SPHKAP: variants seen among roughly 807,000 people sequenced by gnomAD.
The protein encoded by SPHKAP is SPHK1 interactor, AKAP domain containing, also known as A-kinase anchor protein SPHKAP.
A neutral mutation model predicts 137.5 loss-of-function variants in SPHKAP; 67 were observed. The observed-to-expected ratio is 0.49, with a 90% CI of 0.40 to 0.60. The LOEUF (loss-of-function observed/expected upper bound fraction) is 0.60, where lower values mean the gene tolerates loss of function less well. Among genes scored for constraint, SPHKAP ranks in the 20% least tolerant of loss-of-function variants. SPHKAP has a pLI of 0.00. For missense variants in SPHKAP, 2,097 were observed against 2,069.3 expected (o/e 1.01, Z -0.26); for synonymous variants, 813 against 785.3 (o/e 1.04, Z -0.59).
At position 228,001,300 on chromosome 2, in the gene SPHKAP, AAT is replaced by A. The variant is rs1307552789; in HGVS notation, c.4449-5608_4449-5607del. 1.9e-3 allele frequency among the ~76,000 whole-genome samples: 277 copies of A among 143,500 alleles called. 1 individual carries two copies. Among genetic ancestry groups the A allele is most frequent in the South Asian group, 9.4e-3 (44 of 4,692 alleles). 94.1% of individuals were successfully genotyped at this position (143,500 alleles called of 152,430 possible). A position where few individuals can be genotyped will look rare whatever the true frequency, so the allele number is the denominator to read the frequency against. The stretch of plus-strand genomic sequence containing the variant: ...ATCTATACATATATCTATACATATA[AAT>A]ATATCTATACATATATAAATATATA... On this transcript the variant is annotated intron_variant, in intron 7 of 11. Transcript: ENST00000392056.
intron 2 of SPHKAP, among the ~76,000 whole-genome samples, chr2:228,120,280 TA>T (rs1046076638): frequency 6.6e-6 from 1 of 152,196 alleles, no homozygotes; most frequent in African/African-American, 2.4e-5. Context: ...TGTGTTTTTC[TA>T]GTAGGAGAGT....
chr2:228,032,013 C>T lies in SPHKAP; in HGVS notation c.247-4470G>A, dbSNP rs183338394. Among the ~76,000 whole-genome samples the T allele has an allele frequency of 3.1e-3, 478 of 152,260 alleles. 1 individual carries two copies. Among genetic ancestry groups the T allele is most frequent in the Non-Finnish European group, 4.4e-3 (298 of 68,022 alleles). ...AAGGAACGCAGCTCCTCACCAGCAA[C>T]GGAACAAAGCTGGACGGAGAATGAC... On this transcript the variant is annotated intron_variant, in intron 3 of 11. Transcript: ENST00000392056.
chr2:228,167,434 T>C (rs556519237), intron 1 of SPHKAP, among the ~76,000 whole-genome samples: 2 of 152,336 alleles, frequency 1.3e-5, no homozygotes, highest in African/African-American at 2.4e-5. Context: ...TGTTGATTCA[T>C]TTATTTAAAA....
At chr2:228,171,228 C>T (rs1399659121) in intron 1 of SPHKAP, among the ~76,000 whole-genome samples, 1 of 152,056 alleles carries the variant, frequency 6.6e-6, no homozygotes, top group African/African-American at 2.4e-5. Context: ...GTCTTAAGTA[C>T]AATCTGTTGC....
intron 1 of SPHKAP, among the ~76,000 whole-genome samples, chr2:228,161,036 A>G (rs1700258142): frequency 6.6e-6 from 1 of 152,236 alleles, no homozygotes; most frequent in Admixed American, 6.5e-5. Context: ...GTGAGTGGAT[A>G]AGGTAGGTGT....
At chr2:227,984,413 AG>A in intron 11 of SPHKAP, among the ~76,000 whole-genome samples, 1 of 152,068 alleles carries the variant, frequency 6.6e-6, no homozygotes, top group South Asian at 2.1e-4. Context: ...TTGACATTTT[AG>A]GAACAGACTA....
intron 3 of SPHKAP, among the ~76,000 whole-genome samples, chr2:228,072,068 G>C (rs2106302612): frequency 6.6e-6 from 1 of 152,200 alleles, no homozygotes; most frequent in Non-Finnish European, 1.5e-5. Context: ...GACCCTAATA[G>C]AATAAAAAAG....
At chr2:228,134,191 A>G (rs1344914421) in intron 1 of SPHKAP, among the ~76,000 whole-genome samples, 1 of 147,386 alleles carries the variant, frequency 6.8e-6, no homozygotes, top group Non-Finnish European at 1.5e-5. Context: ...AGACAGAAGG[A>G]AGGAGGGAGG....
At position 228,013,825 on chromosome 2, in the gene SPHKAP, C is replaced by G. The variant is rs548474018; in HGVS notation, c.4448+2581G>C. ...TTCTTTAATAATTCTTTATATTGTT[C>G]CACAAAGAAAAGCATTTTCAATATT... On this transcript the variant is annotated intron_variant, in intron 7 of 11. Coordinates refer to ENST00000392056, the MANE Select transcript of SPHKAP (RefSeq NM_001142644.2). 2.0e-5 allele frequency among the ~76,000 whole-genome samples: 3 copies of G among 152,196 alleles called. No individual in the cohort carries two copies. The South Asian group carries it at 6.2e-4, about 32-fold the overall frequency.
chr2:228,117,587 C>G (rs1698752944), intron 2 of SPHKAP, among the ~76,000 whole-genome samples: 2 of 152,114 alleles, frequency 1.3e-5, no homozygotes, highest in African/African-American at 4.8e-5. Flanking sequence ...ATTTGCTTGG[C>G]AAGATAATGA....
At chr2:228,077,398 A>G (rs1228251969) in intron 3 of SPHKAP, among the ~76,000 whole-genome samples, 1 of 152,212 alleles carries the variant, frequency 6.6e-6, no homozygotes, top group African/African-American at 2.4e-5. Flanking sequence ...GGGAGGCTGT[A>G]CCTGGCAAAG....
chr2:227,982,802 G>A (rs1004642360), intron 11 of SPHKAP, among the ~76,000 whole-genome samples: 12 of 152,114 alleles, frequency 7.9e-5, no homozygotes, highest in African/African-American at 2.2e-4. Flanking sequence ...TTCTATCACC[G>A]CACCTTTCTG....
chr2:228,097,100 G>T (rs1267859278), intron 3 of SPHKAP, among the ~76,000 whole-genome samples: 1 of 152,134 alleles, frequency 6.6e-6, no homozygotes, highest in Non-Finnish European at 1.5e-5. Flanking sequence ...AAATTATGTA[G>T]TCAGTATCCT....
chr2:228,148,919 T>C (rs1699853571), intron 1 of SPHKAP, among the ~76,000 whole-genome samples: 1 of 152,212 alleles, frequency 6.6e-6, no homozygotes, highest in African/African-American at 2.4e-5. Flanking sequence ...GAAGATGTAA[T>C]CATTTTGTTA....
At chr2:228,124,376 A>G (rs1029730650) in intron 2 of SPHKAP, among the ~76,000 whole-genome samples, 3 of 152,086 alleles carry the variant, frequency 2.0e-5, no homozygotes, top group African/African-American at 7.2e-5. Context: ...AATGTGGCAC[A>G]TGTACACCAT....
chr2:228,051,524 G>C (rs991093107), intron 3 of SPHKAP, among the ~76,000 whole-genome samples: 1 of 152,126 alleles, frequency 6.6e-6, no homozygotes, highest in Admixed American at 6.6e-5. Context: ...ACTGGTTCAA[G>C]TGGGGTTGAA....
chr2:228,004,778 A>G (rs1173784414), intron 7 of SPHKAP, among the ~76,000 whole-genome samples: 2 of 152,158 alleles, frequency 1.3e-5, no homozygotes, highest in African/African-American at 2.4e-5. Flanking sequence ...GTTGGTTTCA[A>G]AGAACATCTT....
intron 1 of SPHKAP, among the ~76,000 whole-genome samples, chr2:228,146,390 A>G (rs1699776597): frequency 6.6e-6 from 1 of 152,200 alleles, no homozygotes; most frequent in Non-Finnish European, 1.5e-5. Flanking sequence ...ACTGTCCTAA[A>G]AATCCTCTAG....
chr2:228,050,795 C>A (rs1253298439), intron 3 of SPHKAP, among the ~76,000 whole-genome samples: 1 of 151,852 alleles, frequency 6.6e-6, no homozygotes, highest in African/African-American at 2.4e-5. Context: ...TTATATTCCC[C>A]CACTCCACCT....
Sources: allele counts gnomAD v4.1 joint callset (sites outside exome capture counted in the v4.1 genomes callset), GRCh38; gene constraint gnomAD v4.1.1; transcripts MANE v1.5; gene names NCBI Gene and HGNC (gene_info 2026-07-23, HGNC 2026-07-21).